UHMK1: variants seen among roughly 807,000 people sequenced by gnomAD.
UHMK1 encodes U2AF homology motif kinase 1.
A neutral mutation model predicts 44.0 loss-of-function variants in UHMK1; 18 were observed. The ratio of observed to expected loss-of-function variants is 0.41; its 90% CI spans 0.28 to 0.61. The LOEUF is 0.61. Ranked by LOEUF, UHMK1 falls within the 20% of genes least tolerant of loss-of-function variation. UHMK1 has a pLI of 0.31. For synonymous variants in UHMK1, 231 were observed against 198.5 expected (o/e 1.16, Z -1.38); for missense variants, 463 against 522.5 (o/e 0.89, Z 1.11).
chr1:162,497,999 C>A lies in UHMK1; in HGVS notation c.-2C>A. On this transcript the variant is annotated 5_prime_UTR_variant, in exon 1 of 8. Transcript: ENST00000489294. ...CCGTGTCCGTGCCCTTAACCCACAC[C>A]GATGGCGGGATCCGGCTGCGCCTGG... 1 of 1,577,164 alleles carries A rather than the reference C, an allele frequency of 6.3e-7. No homozygotes were observed. The highest frequency in any genetic ancestry group is 1.1e-5 in the South Asian group (1 of 86,992).
Position 162,529,189 on chromosome 1 carries a change from G to T in UHMK1, c.*6639G>T, listed in dbSNP as rs1180091778. On this transcript the variant is annotated 3_prime_UTR_variant, in exon 8 of 8. Transcript: ENST00000489294. ...TACCAGTTGTTTCAGTAGCATATTG[G>T]TCTTGGCATTTCTTGGCACTGTGGT... 1.3e-5 allele frequency: 2 copies of T among 151,880 alleles called. No individual in the cohort carries two copies. The highest frequency in any genetic ancestry group is 4.8e-5 in the African/African-American group (2 of 41,380). 9.4% of individuals were successfully genotyped at this position (151,880 alleles called of 1,614,324 possible).
chr1:162,513,981 A>G (rs1023992062), intron 6 of UHMK1, among the ~76,000 whole-genome samples: 24 of 152,226 alleles, frequency 1.6e-4, no homozygotes, highest in South Asian at 2.1e-4. Flanking sequence ...TCAAACCTGT[A>G]TTTTAGTAGG....
At chr1:162,519,522 CAA>C (rs1651979840) in intron 7 of UHMK1, among the ~76,000 whole-genome samples, 1 of 152,120 alleles carries the variant, frequency 6.6e-6, no homozygotes, top group South Asian at 2.1e-4. Flanking sequence ...GTTCTAGCCT[CAA>C]TATGATTAGC....
rs1414204233 is a variant in UHMK1, at chr1:162,527,588, T to C, written c.*5038T>C. 15 of 152,114 alleles carry C rather than the reference T, an allele frequency of 9.9e-5. No homozygotes were observed. Among genetic ancestry groups the C allele is most frequent in the Non-Finnish European group, 1.6e-4 (11 of 67,950 alleles). 9.4% of individuals were successfully genotyped at this position (152,114 alleles called of 1,614,324 possible). A position where few individuals can be genotyped will look rare whatever the true frequency, so the allele number is the denominator to read the frequency against. On this transcript the variant is annotated 3_prime_UTR_variant, in exon 8 of 8. Transcript: ENST00000489294. ...TGTTTTAAATTTGCTTTATTTGTGC[T>C]TTTCAGAGAGTTGTCATAATTGTGG... is the stretch of plus-strand genomic sequence containing the variant.
In UHMK1 at chr1:162,497,852, G is replaced by T; in HGVS notation, c.-149G>T. The T allele has an allele frequency of 7.3e-7, 1 of 1,374,934 alleles. No homozygotes were observed. Among genetic ancestry groups the T allele is most frequent in the Non-Finnish European group, 9.3e-7 (1 of 1,069,750 alleles). The allele number at this position is 1,374,934 out of a possible 1,614,324, so 85.2% of individuals were successfully genotyped here. A position where few individuals can be genotyped will look rare whatever the true frequency, so the allele number is the denominator to read the frequency against. ...GTGCACCACGGCTTCCGGTGTCATG[G>T]CTGCTTGAAGTCCCGGGAGTCGGTG... On this transcript the variant is annotated 5_prime_UTR_variant, in exon 1 of 8. Coordinates refer to ENST00000489294, the MANE Select transcript of UHMK1 (RefSeq NM_175866.5).
Position 162,522,652 on chromosome 1 carries a change from T to G in UHMK1, c.*102T>G, listed in dbSNP as rs1480191190. On this transcript the variant is annotated 3_prime_UTR_variant, in exon 8 of 8. Transcript: ENST00000489294. ...CCCTTACCATTTTAAGAAGGTACTT[T>G]ATACATTTATTTAATCCTACTAATG... 1 of 1,291,140 alleles carries G rather than the reference T, an allele frequency of 7.7e-7. No homozygotes were observed. The highest frequency in any genetic ancestry group is 1.5e-5 in the African/African-American group (1 of 66,856). The allele number at this position is 1,291,140 out of a possible 1,614,324, so 80.0% of individuals were successfully genotyped here.
chr1:162,498,317 C>A, intron 1 of UHMK1, 49 bp downstream of exon 1: 1 of 1,527,362 alleles, frequency 6.5e-7, no homozygotes, highest in Non-Finnish European at 8.8e-7. Flanking sequence ...ACAGTCCGAG[C>A]ACACTCTTCC....
chr1:162,505,576 C>G (rs1310001673), intron 4 of UHMK1, among the ~76,000 whole-genome samples: 3 of 152,200 alleles, frequency 2.0e-5, no homozygotes, highest in African/African-American at 7.2e-5. Flanking sequence ...ATTATGATAG[C>G]TACGATGTCG....
At position 162,527,182 on chromosome 1, in the gene UHMK1, T is replaced by C. The variant is rs1027192981; in HGVS notation, c.*4632T>C. On this transcript the variant is annotated 3_prime_UTR_variant, in exon 8 of 8. Transcript: ENST00000489294. ...GATTTTGTTTCATTTTGTTTTAGGA[T>C]AGCTTCTCTGCCTAATACTATAGGA... The C allele has an allele frequency of 6.6e-6, 1 of 152,192 alleles. No individual in the cohort carries two copies. Among genetic ancestry groups the C allele is most frequent in the African/African-American group, 2.4e-5 (1 of 41,566 alleles). The allele number at this position is 152,192 out of a possible 1,614,324, so 9.4% of individuals were successfully genotyped here.
chr1:162,498,993 A>G (rs1651167782), intron 1 of UHMK1, among the ~76,000 whole-genome samples: 1 of 152,178 alleles, frequency 6.6e-6, no homozygotes, highest in Admixed American at 6.5e-5. Flanking sequence ...ATTTTGGAGA[A>G]GAATTAACAC....
intron 4 of UHMK1, among the ~76,000 whole-genome samples, chr1:162,508,774 T>G (rs922113514): frequency 4.5e-5 from 6 of 134,558 alleles, no homozygotes; most frequent in Admixed American, 7.6e-5. Context: ...CATTTTGCAG[T>G]TTTTTTTTTG....
chr1:162,507,177 T>C (rs1458135209), intron 4 of UHMK1, among the ~76,000 whole-genome samples: 1 of 151,932 alleles, frequency 6.6e-6, no homozygotes, highest in East Asian at 1.9e-4. Flanking sequence ...TGGAGTACAG[T>C]GGCATGATCT....
At chr1:162,505,064 C>T (rs546825535) in intron 4 of UHMK1, among the ~76,000 whole-genome samples, 15 of 152,218 alleles carry the variant, frequency 9.9e-5, no homozygotes, top group South Asian at 4.2e-4. Flanking sequence ...TGTGTGCCAC[C>T]GCTTCTGGCC....
chr1:162,507,218 C>G (rs548841520), intron 4 of UHMK1, among the ~76,000 whole-genome samples: 1 of 151,822 alleles, frequency 6.6e-6, no homozygotes, highest in African/African-American at 2.4e-5. Flanking sequence ...CCCCTGGGTT[C>G]AAGCAATTCT....
intron 4 of UHMK1, among the ~76,000 whole-genome samples, chr1:162,509,603 A>C (rs1311022613): frequency 1.3e-5 from 2 of 152,116 alleles, no homozygotes; most frequent in Admixed American, 6.6e-5. Flanking sequence ...ATATAGTGCA[A>C]ATCTTACAAC....
chr1:162,510,597 A>G (rs1651630848), intron 4 of UHMK1, among the ~76,000 whole-genome samples: 1 of 150,632 alleles, frequency 6.6e-6, no homozygotes, highest in East Asian at 1.9e-4. Flanking sequence ...TTGTGTATAT[A>G]TATATCATAT....
intron 4 of UHMK1, among the ~76,000 whole-genome samples, chr1:162,505,556 G>C (rs1415984838): frequency 1.3e-5 from 2 of 152,194 alleles, no homozygotes; most frequent in Non-Finnish European, 2.9e-5. Flanking sequence ...GTGATGTGTT[G>C]CGATAGGACA....
At position 162,499,115 on chromosome 1, in the gene UHMK1, T is replaced by G. The variant is rs142064414; in HGVS notation, c.269-840T>G. On this transcript the variant is annotated intron_variant, in intron 1 of 7. Transcript: ENST00000489294. The stretch of plus-strand genomic sequence containing the variant: ...TGCCTGATCTCTGCAAGATTAAAAT[T>G]TCATCCGAAAAGTCTTAATCTCTTT... Among the ~76,000 whole-genome samples, 53 of 152,278 alleles carry G rather than the reference T, an allele frequency of 3.5e-4. No homozygotes were observed. In the East Asian group the frequency reaches 9.2e-3, roughly 27 times the overall value.
intron 6 of UHMK1, 188 bp downstream of exon 6, chr1:162,513,011 G>GGT: frequency 3.7e-5 from 20 of 547,900 alleles, no homozygotes; most frequent in Non-Finnish European, 5.3e-5. Context: ...GGAGTGCAGT[G>GGT]GCACGATCTC....
Sources: gnomAD v4.1 joint callset for allele counts (sites outside exome capture counted in the v4.1 genomes callset) on GRCh38, gnomAD v4.1.1 for gene constraint, MANE v1.5 for transcripts, NCBI Gene and HGNC (gene_info 2026-07-23, HGNC 2026-07-21) for gene names.